GRM7: variants seen among roughly 807,000 people sequenced by gnomAD.
The protein encoded by GRM7 is glutamate metabotropic receptor 7, also known as metabotropic glutamate receptor 7.
In GRM7, 35 loss-of-function variants were observed where a neutral mutation model predicts 84.5. The ratio of observed to expected loss-of-function variants is 0.41; its 90% CI spans 0.32 to 0.55. The LOEUF (loss-of-function observed/expected upper bound fraction) is 0.55, where lower values mean the gene tolerates loss of function less well. GRM7 is among the 20% of genes least tolerant of loss of function. The probability of loss-of-function intolerance (pLI) is 0.19; values close to 1 mark genes in which losing one functional copy is unlikely to be tolerated. For missense variants in GRM7, 1,003 were observed against 1,194.6 expected, an observed-to-expected ratio of 0.84 and a Z score of 2.36; for synonymous variants, 487 against 455.1, an observed-to-expected ratio of 1.07 and a Z score of -0.89.
At chr3:6,948,171 T>A (rs1389148073) in intron 1 of GRM7, among the ~76,000 whole-genome samples, 1 of 149,286 alleles carries the variant, frequency 6.7e-6, no homozygotes, top group African/African-American at 2.5e-5. Flanking sequence ...TAGATCTTTC[T>A]GCTTTCTCTT....
intron 2 of GRM7, among the ~76,000 whole-genome samples, chr3:7,214,906 G>A (rs1331908779): frequency 6.6e-6 from 1 of 152,070 alleles, no homozygotes; most frequent in African/African-American, 2.4e-5. Flanking sequence ...TATATTCCAG[G>A]ATTTTTCCAA....
chr3:6,874,320 A>G (rs1695228937), intron 1 of GRM7, among the ~76,000 whole-genome samples: 1 of 152,178 alleles, frequency 6.6e-6, no homozygotes, highest in Non-Finnish European at 1.5e-5. Context: ...TGGGACAACC[A>G]GTTTACATTT....
chr3:7,222,515 G>A (rs541586381), intron 2 of GRM7, among the ~76,000 whole-genome samples: 4 of 152,216 alleles, frequency 2.6e-5, no homozygotes, highest in Admixed American at 2.0e-4. Context: ...CCAATGGCCT[G>A]AATGAGTTTA....
intron 5 of GRM7, among the ~76,000 whole-genome samples, chr3:7,429,011 G>A (rs971342964): frequency 2.0e-4 from 31 of 152,124 alleles, no homozygotes; most frequent in Admixed American, 3.9e-4. Context: ...GCTTTCTTGG[G>A]ATGCATTTCT....
intron 4 of GRM7, among the ~76,000 whole-genome samples, chr3:7,309,524 A>C (rs1252091264): frequency 6.6e-6 from 1 of 152,180 alleles, no homozygotes; most frequent in Non-Finnish European, 1.5e-5. Context: ...CTATACCCTC[A>C]GATGGAAGGG....
intron 4 of GRM7, among the ~76,000 whole-genome samples, chr3:7,382,826 T>C (rs762474825): frequency 6.6e-5 from 10 of 152,224 alleles, no homozygotes; most frequent in Non-Finnish European, 1.3e-4. Context: ...CAGAAATTAA[T>C]GAGTCTGAAT....
chr3:7,228,326 G>A (rs1051858272), intron 2 of GRM7, among the ~76,000 whole-genome samples: 1 of 151,888 alleles, frequency 6.6e-6, no homozygotes, highest in Non-Finnish European at 1.5e-5. Context: ...TTCATTGGTA[G>A]GAAGAAATAG....
chr3:6,952,963 A>G (rs376635854), intron 1 of GRM7, among the ~76,000 whole-genome samples: 1 of 152,218 alleles, frequency 6.6e-6, no homozygotes, highest in East Asian at 1.9e-4. Context: ...ACTGCACAAT[A>G]CAACAACTGT....
In GRM7 at chr3:6,863,090, G is replaced by A. The variant is rs908371222; in HGVS notation, c.519+1183G>A. ...CTCCTCTGTGTCTTTCCCTATATGT[G>A]CATCACTCTCTCTTTCTGTCTCTGT... On this transcript the variant is annotated intron_variant, in intron 1 of 9. Coordinates refer to ENST00000357716, the MANE Select transcript of GRM7 (RefSeq NM_000844.4). The surrounding 1 kb of genome is among the most constrained non-coding windows in gnomAD (Gnocchi z 4.8). 1.2e-5 allele frequency: 5 copies of A among 411,362 alleles called. No individual in the cohort carries two copies. The highest frequency in any genetic ancestry group is 2.4e-5 in the Non-Finnish European group (5 of 209,010). The allele number at this position is 411,362 out of a possible 1,614,324, so 25.5% of individuals were successfully genotyped here.
At chr3:7,121,333 TCATCCATCCATCCATCCATCCATC>T (rs71307751) in intron 1 of GRM7, among the ~76,000 whole-genome samples, 7 of 149,564 alleles carry the variant, frequency 4.7e-5, no homozygotes, top group South Asian at 2.2e-4. Context: ...ATCCATCTAT[TCATCCATCCATCCATCCATCCATC>T]CATCCATCCA....
At chr3:6,939,210 C>A (rs1697801955) in intron 1 of GRM7, among the ~76,000 whole-genome samples, 1 of 152,026 alleles carries the variant, frequency 6.6e-6, no homozygotes, top group African/African-American at 2.4e-5. Flanking sequence ...ACCAAAAAAA[C>A]AAATCTGTTA....
intron 1 of GRM7, among the ~76,000 whole-genome samples, chr3:6,881,009 C>T (rs1695487815): frequency 6.6e-6 from 1 of 152,112 alleles, no homozygotes; most frequent in African/African-American, 2.4e-5. Context: ...CAGTTTTCTG[C>T]TCAGTGATTC....
At chr3:7,314,958 T>G (rs921202212) in intron 4 of GRM7, among the ~76,000 whole-genome samples, 27 of 152,212 alleles carry the variant, frequency 1.8e-4, no homozygotes, top group Admixed American at 1.2e-3. Context: ...CAAGTTTGTT[T>G]AGTGACTTTT....
At chr3:7,427,062 T>A (rs1325202876) in intron 5 of GRM7, among the ~76,000 whole-genome samples, 2 of 152,180 alleles carry the variant, frequency 1.3e-5, no homozygotes, top group African/African-American at 4.8e-5. Flanking sequence ...CTTTGTAGGA[T>A]CTTTTGGGCT....
intron 5 of GRM7, among the ~76,000 whole-genome samples, chr3:7,443,413 G>A (rs993019440): frequency 6.6e-6 from 1 of 151,890 alleles, no homozygotes; most frequent in Non-Finnish European, 1.5e-5. Flanking sequence ...TCTCATAAAT[G>A]TCTTTATAAA....
At chr3:7,329,205 A>G (rs1307725918) in intron 4 of GRM7, among the ~76,000 whole-genome samples, 1 of 152,074 alleles carries the variant, frequency 6.6e-6, no homozygotes, top group Non-Finnish European at 1.5e-5. Flanking sequence ...TTTCTCCTAA[A>G]CCTTGTTACT....
At chr3:7,105,873 T>C (rs942721674) in intron 1 of GRM7, among the ~76,000 whole-genome samples, 29 of 151,890 alleles carry the variant, frequency 1.9e-4, no homozygotes, top group African/African-American at 6.5e-4. Context: ...CAAATTATTT[T>C]CTATGTAGAA....
At chr3:7,555,194 C>T (rs975490641) in intron 7 of GRM7, among the ~76,000 whole-genome samples, 4 of 152,160 alleles carry the variant, frequency 2.6e-5, no homozygotes, top group Non-Finnish European at 5.9e-5. Context: ...TAGTATAGGT[C>T]TGATTGGTTC....
At chr3:7,734,247 C>CT (rs71625353) in intron 9 of GRM7, among the ~76,000 whole-genome samples, 2 of 82,380 alleles carry the variant, frequency 2.4e-5, no homozygotes, top group African/African-American at 3.8e-5. Context: ...TTGGCAGGGG[C>CT]GGGGGGGGGG....
Sources: gnomAD v4.1 joint callset for allele counts (sites outside exome capture counted in the v4.1 genomes callset) on GRCh38, gnomAD v4.1.1 for gene constraint, Gnocchi (gnomAD v3.1) non-coding constraint, MANE v1.5 for transcripts, NCBI Gene and HGNC (gene_info 2026-07-23, HGNC 2026-07-21) for gene names.